Variants in NEGR1 observed in about 807,000 individuals in gnomAD.
NEGR1 encodes the protein IgLON family member 4.
Under a neutral mutation model 40.9 loss-of-function variants are expected in NEGR1, and 10 were observed. The observed-to-expected ratio is 0.24, with a 90% CI of 0.15 to 0.42. The LOEUF (loss-of-function observed/expected upper bound fraction) is 0.42, where lower values mean the gene tolerates loss of function less well. Among genes scored for constraint, NEGR1 ranks in the 10% least tolerant of loss-of-function variants. The pLI, the probability that NEGR1 is intolerant of heterozygous loss-of-function variation, is 1.00. For synonymous variants in NEGR1, 185 were observed against 166.8 expected (o/e 1.11, Z -0.84); for missense variants, 352 against 438.9 (o/e 0.80, Z 1.77).
chr1:72,248,223 A>G (rs1654964411), intron 1 of NEGR1, among the ~76,000 whole-genome samples: 2 of 152,118 alleles, frequency 1.3e-5, no homozygotes, highest in South Asian at 4.1e-4. Context: ...ATTAACCAAT[A>G]GATACTCAGT....
intron 1 of NEGR1, among the ~76,000 whole-genome samples, chr1:71,964,676 A>T (rs1265410610): frequency 2.6e-5 from 4 of 152,166 alleles, no homozygotes; most frequent in African/African-American, 9.7e-5. Flanking sequence ...AACAAATATG[A>T]AATGGTTGCT....
chr1:71,501,682 C>T (rs1647000326), intron 6 of NEGR1, among the ~76,000 whole-genome samples: 1 of 151,840 alleles, frequency 6.6e-6, no homozygotes, highest in Non-Finnish European at 1.5e-5. Flanking sequence ...CAAAGAATGC[C>T]AAAATCTACA....
chr1:72,183,264 G>A (rs904431493), intron 1 of NEGR1, among the ~76,000 whole-genome samples: 4 of 152,036 alleles, frequency 2.6e-5, no homozygotes, highest in East Asian at 3.9e-4. Context: ...TGCCAAGGCC[G>A]GACTTTCCCA....
intron 4 of NEGR1, among the ~76,000 whole-genome samples, chr1:71,658,885 GTAAAAC>G (rs1651962594): frequency 6.6e-6 from 1 of 152,086 alleles, no homozygotes; most frequent in Non-Finnish European, 1.5e-5. Flanking sequence ...TAATTGTTGA[GTAAAAC>G]TAAAATGTGA....
At chr1:72,122,249 CATTT>C (rs1391209089) in intron 1 of NEGR1, among the ~76,000 whole-genome samples, 8 of 151,950 alleles carry the variant, frequency 5.3e-5, no homozygotes, top group African/African-American at 1.4e-4. Context: ...AAGCTGTTCT[CATTT>C]ATAACACAAT....
intron 1 of NEGR1, among the ~76,000 whole-genome samples, chr1:72,243,071 A>G (rs1654799044): frequency 6.6e-6 from 1 of 151,740 alleles, no homozygotes; most frequent in Non-Finnish European, 1.5e-5. Context: ...TTTAACTTAA[A>G]ATATTTTAAT....
Position 71,935,050 on chromosome 1 carries a change from C to T in NEGR1, c.409+29G>A, listed in dbSNP as rs772556133. ...TTAAATATTTCTAAGCACAGTCTTT[C>T]ACAATATAGCAGTTCTGAAAATACA... On this transcript the variant is annotated intron_variant, in intron 2 of 6. Coordinates refer to ENST00000357731, the MANE Select transcript of NEGR1 (RefSeq NM_173808.3). 4 of 1,305,580 alleles carry T rather than the reference C, an allele frequency of 3.1e-6. No individual in the cohort carries two copies. The Admixed American group carries it at 5.1e-5, about 17-fold the overall frequency. The allele number at this position is 1,305,580 out of a possible 1,614,324, so 80.9% of individuals were successfully genotyped here.
At chr1:71,858,107 G>A (rs1570438395) in intron 2 of NEGR1, among the ~76,000 whole-genome samples, 1 of 151,906 alleles carries the variant, frequency 6.6e-6, no homozygotes, top group East Asian at 1.9e-4. Context: ...TATTGAAGCG[G>A]TTATCATCAC....
chr1:71,948,803 C>T (rs1315003851), intron 1 of NEGR1, among the ~76,000 whole-genome samples: 1 of 152,014 alleles, frequency 6.6e-6, no homozygotes, highest in Admixed American at 6.6e-5. Flanking sequence ...GTAAAATCCA[C>T]TGCGATTTAG....
chr1:72,252,287 A>G (rs1655128657), intron 1 of NEGR1, among the ~76,000 whole-genome samples: 1 of 151,956 alleles, frequency 6.6e-6, no homozygotes, highest in Admixed American at 6.6e-5. Context: ...AACGTGATCC[A>G]CCCACCTCAG....
At chr1:71,545,452 G>C (rs1647861850) in intron 6 of NEGR1, among the ~76,000 whole-genome samples, 1 of 151,670 alleles carries the variant, frequency 6.6e-6, no homozygotes, top group Admixed American at 6.6e-5. Flanking sequence ...GCTGATTTCA[G>C]TGTGTCAATA....
intron 1 of NEGR1, among the ~76,000 whole-genome samples, chr1:72,269,354 G>A (rs1323682445): frequency 6.6e-6 from 1 of 151,540 alleles, no homozygotes; most frequent in Non-Finnish European, 1.5e-5. Context: ...GCTGTTCAGG[G>A]TTATATCAGG....
At chr1:72,232,538 C>T (rs1384420337) in intron 1 of NEGR1, among the ~76,000 whole-genome samples, 1 of 152,180 alleles carries the variant, frequency 6.6e-6, no homozygotes, top group Non-Finnish European at 1.5e-5. Flanking sequence ...ATGGACATAA[C>T]TTGCTATAGT....
At chr1:72,017,080 A>G (rs1420101220) in intron 1 of NEGR1, among the ~76,000 whole-genome samples, 1 of 152,054 alleles carries the variant, frequency 6.6e-6, no homozygotes, top group Non-Finnish European at 1.5e-5. Context: ...ATGTGCATAC[A>G]TATACAAATA....
At chr1:71,637,366 G>T (rs1373928535) in intron 4 of NEGR1, among the ~76,000 whole-genome samples, 1 of 151,908 alleles carries the variant, frequency 6.6e-6, no homozygotes, top group Non-Finnish European at 1.5e-5. Flanking sequence ...GTTATTGCTT[G>T]AGTATATGTT....
At chr1:72,083,070 C>T (rs1043185205) in intron 1 of NEGR1, among the ~76,000 whole-genome samples, 21 of 152,096 alleles carry the variant, frequency 1.4e-4, no homozygotes, top group African/African-American at 5.1e-4. Flanking sequence ...AATATCAATA[C>T]CCCATGATTT....
At chr1:71,569,238 A>G (rs6424431) in intron 6 of NEGR1, among the ~76,000 whole-genome samples, 90,845 of 151,894 alleles carry the variant, frequency 0.6, 27,817 homozygotes, top group Non-Finnish European at 0.67. Context: ...TTTTAAGCCT[A>G]TAGAAACCTT....
At chr1:71,870,518 C>T (rs1660250853) in intron 2 of NEGR1, among the ~76,000 whole-genome samples, 1 of 152,110 alleles carries the variant, frequency 6.6e-6, no homozygotes, top group African/African-American at 2.4e-5. Context: ...CATTAAAAAA[C>T]TGGCCTGTAT....
intron 1 of NEGR1, among the ~76,000 whole-genome samples, chr1:72,022,523 T>C (rs1037426183): frequency 6.7e-6 from 1 of 149,938 alleles, no homozygotes; most frequent in Admixed American, 6.7e-5. Flanking sequence ...TCTACACACA[T>C]ATATATAATT....
Sources: gnomAD v4.1 joint callset for allele counts (sites outside exome capture counted in the v4.1 genomes callset) on GRCh38, gnomAD v4.1.1 for gene constraint, MANE v1.5 for transcripts, NCBI Gene and HGNC (gene_info 2026-07-23, HGNC 2026-07-21) for gene names.